Variants in CCSER1 observed in about 807,000 individuals in gnomAD.
CCSER1 encodes coiled-coil serine rich protein 1.
A neutral mutation model predicts 82.0 loss-of-function variants in CCSER1; 41 were observed. The ratio of observed to expected loss-of-function variants is 0.50; its 90% CI spans 0.39 to 0.65. The LOEUF is 0.65. Among genes scored for constraint, CCSER1 ranks in the 30% least tolerant of loss-of-function variants. CCSER1 has a pLI of 0.00. For missense variants in CCSER1, 1,119 were observed against 1,064.2 expected (o/e 1.05, Z -0.72); for synonymous variants, 414 against 383.9 (o/e 1.08, Z -0.92).
intron 1 of CCSER1, among the ~76,000 whole-genome samples, chr4:90,160,856 AAATCTCATGGAT>A (rs781760210): frequency 1.3e-5 from 2 of 152,162 alleles, no homozygotes; most frequent in African/African-American, 4.8e-5. Flanking sequence ...GAAATTGGGA[AAATCTCATGGAT>A]AATCTCAGTA....
At chr4:90,750,871 G>A (rs541979911) in intron 7 of CCSER1, among the ~76,000 whole-genome samples, 2 of 152,166 alleles carry the variant, frequency 1.3e-5, no homozygotes, top group African/African-American at 2.4e-5. Context: ...ATAGACACTA[G>A]TCATTAAGTG....
chr4:90,352,941 T>C (rs1367895853), intron 3 of CCSER1, among the ~76,000 whole-genome samples: 1 of 152,110 alleles, frequency 6.6e-6, no homozygotes, highest in African/African-American at 2.4e-5. Context: ...CCTGTGATTG[T>C]TTACCCAGTA....
At chr4:90,192,147 A>G (rs1735746654) in intron 1 of CCSER1, among the ~76,000 whole-genome samples, 1 of 152,054 alleles carries the variant, frequency 6.6e-6, no homozygotes, top group African/African-American at 2.4e-5. Flanking sequence ...CCTCAGAATC[A>G]TGGTGGAAGT....
intron 1 of CCSER1, among the ~76,000 whole-genome samples, chr4:90,167,877 T>G (rs888759398): frequency 1.3e-5 from 2 of 152,218 alleles, no homozygotes; most frequent in South Asian, 2.1e-4. Flanking sequence ...TCTATCATTG[T>G]TGGACATTTG....
intron 5 of CCSER1, among the ~76,000 whole-genome samples, chr4:90,617,054 A>C (rs1721412791): frequency 6.6e-6 from 1 of 152,168 alleles, no homozygotes; most frequent in Non-Finnish European, 1.5e-5. Flanking sequence ...AAATATCTCT[A>C]AAGGTGACAT....
chr4:91,422,908 A>C (rs904309006), intron 10 of CCSER1, among the ~76,000 whole-genome samples: 2 of 152,164 alleles, frequency 1.3e-5, no homozygotes, highest in African/African-American at 4.8e-5. Flanking sequence ...TTGGAAAGAC[A>C]TTTCAATGTC....
intron 10 of CCSER1, among the ~76,000 whole-genome samples, chr4:91,364,821 T>G (rs1364286460): frequency 6.6e-6 from 1 of 152,100 alleles, no homozygotes; most frequent in Non-Finnish European, 1.5e-5. Flanking sequence ...TTTAAAGACA[T>G]CAAATAGTAA....
chr4:90,979,329 T>C (rs924090523), intron 9 of CCSER1, among the ~76,000 whole-genome samples: 1 of 151,592 alleles, frequency 6.6e-6, no homozygotes, highest in Non-Finnish European at 1.5e-5. Flanking sequence ...TGTAGACTTA[T>C]CATGTATTGA....
At chr4:91,481,818 A>G (rs945682222) in intron 10 of CCSER1, among the ~76,000 whole-genome samples, 1 of 152,178 alleles carries the variant, frequency 6.6e-6, no homozygotes, top group African/African-American at 2.4e-5. Flanking sequence ...AAAAGAAACT[A>G]CCATCAGAGT....
chr4:91,437,746 T>C (rs1363877535), intron 10 of CCSER1, among the ~76,000 whole-genome samples: 1 of 152,178 alleles, frequency 6.6e-6, no homozygotes, highest in Non-Finnish European at 1.5e-5. Flanking sequence ...GGGTGACAGA[T>C]GGCACCTGGA....
At chr4:91,425,146 C>T (rs944022966) in intron 10 of CCSER1, among the ~76,000 whole-genome samples, 1 of 152,044 alleles carries the variant, frequency 6.6e-6, no homozygotes, top group Non-Finnish European at 1.5e-5. Context: ...AAAGCGACAG[C>T]ATGAATTTTT....
At chr4:90,916,467 A>G (rs1199484700) in intron 8 of CCSER1, among the ~76,000 whole-genome samples, 4 of 152,116 alleles carry the variant, frequency 2.6e-5, no homozygotes, top group African/African-American at 9.7e-5. Context: ...CCATATGGAG[A>G]AAGCTGAAAC....
rs1770670023 is a variant in CCSER1 at position 90,506,284 on chromosome 4, A to G, written c.1724+37930A>G. Reference sequence around the variant, plus strand: ...CTAGTTAATTTTCTTATAATCAGAAAAAAATGCAGTTCAGAAAATATTTTT... The same window carrying G: ...CTAGTTAATTTTCTTATAATCAGAAGAAAATGCAGTTCAGAAAATATTTTT... On this transcript the variant is annotated intron_variant, in intron 5 of 10. Coordinates refer to ENST00000509176, the MANE Select transcript of CCSER1 (RefSeq NM_001145065.2). Among the ~76,000 whole-genome samples, 3 of 152,232 alleles carry G rather than the reference A, an allele frequency of 2.0e-5. No individual in the cohort carries two copies. In the South Asian group the frequency reaches 6.2e-4, roughly 32 times the overall value.
intron 1 of CCSER1, among the ~76,000 whole-genome samples, chr4:90,280,080 G>T (rs1015152346): frequency 2.6e-5 from 4 of 151,900 alleles, no homozygotes; most frequent in Non-Finnish European, 5.9e-5. Context: ...AAAATATGAA[G>T]TTATGAGGAG....
intron 8 of CCSER1, among the ~76,000 whole-genome samples, chr4:90,895,031 T>A (rs1289121382): frequency 6.6e-6 from 1 of 151,952 alleles, no homozygotes; most frequent in Non-Finnish European, 1.5e-5. Context: ...ACTTTGTCCC[T>A]AGGTTGATTT....
At chr4:91,063,469 A>T (rs1469135062) in intron 9 of CCSER1, among the ~76,000 whole-genome samples, 1 of 152,164 alleles carries the variant, frequency 6.6e-6, no homozygotes, top group African/African-American at 2.4e-5. Flanking sequence ...TTGCATGGTA[A>T]TAATCAAATG....
rs1275468566 is a variant in CCSER1, at chr4:90,201,557, CAT to C, written c.-42+73728_-42+73729del. On this transcript the variant is annotated intron_variant, in intron 1 of 10. Coordinates refer to ENST00000509176, the MANE Select transcript of CCSER1 (RefSeq NM_001145065.2). The stretch of plus-strand genomic sequence containing the variant: ...ATATATCTAAAATATTATAATTTAA[CAT>C]AATATAAAATTATTGAGACATTTAT... 4.7e-5 allele frequency among the ~76,000 whole-genome samples: 7 copies of C among 149,262 alleles called. No homozygotes were observed. The East Asian group carries it at 1.4e-3, about 29-fold the overall frequency.
intron 3 of CCSER1, among the ~76,000 whole-genome samples, chr4:90,385,455 G>T (rs1749880656): frequency 8.0e-6 from 1 of 124,856 alleles, no homozygotes. Context: ...TGGTGTCTCG[G>T]TGTAGTTTTT....
intron 9 of CCSER1, among the ~76,000 whole-genome samples, chr4:90,987,878 A>T (rs1391954066): frequency 6.6e-6 from 1 of 151,808 alleles, no homozygotes; most frequent in Non-Finnish European, 1.5e-5. Context: ...CATAAACCCT[A>T]TAAGGTTTAA....
Sources: gnomAD v4.1 joint callset for allele counts (sites outside exome capture counted in the v4.1 genomes callset) on GRCh38, gnomAD v4.1.1 for gene constraint, MANE v1.5 for transcripts, NCBI Gene and HGNC (gene_info 2026-07-23, HGNC 2026-07-21) for gene names.